The following ROBO1 variants were observed in gnomAD, a reference collection of about 807,000 sequenced individuals.
ROBO1 encodes the protein roundabout guidance receptor 1.
A neutral mutation model predicts 195.9 loss-of-function variants in ROBO1; 149 were observed. The ratio of observed to expected loss-of-function variants is 0.76; its 90% CI spans 0.67 to 0.87. ROBO1 has a LOEUF of 0.87. ROBO1 is among the 40% of genes least tolerant of loss of function. The pLI is 0.00. For missense variants in ROBO1, 1,933 were observed against 2,068.3 expected (o/e 0.93, Z 1.27); for synonymous variants, 816 against 733.2 (o/e 1.11, Z -1.82).
At chr3:79,736,970 T>G (rs1703418876) in intron 1 of ROBO1, among the ~76,000 whole-genome samples, 1 of 152,186 alleles carries the variant, frequency 6.6e-6, no homozygotes, top group Non-Finnish European at 1.5e-5. Context: ...TTGCTTCCAG[T>G]CTCTCAAACA....
chr3:78,803,866 T>A (rs981093538), intron 4 of ROBO1, among the ~76,000 whole-genome samples: 1 of 152,164 alleles, frequency 6.6e-6, no homozygotes, highest in Non-Finnish European at 1.5e-5. Flanking sequence ...GCACCATATC[T>A]TCAGAATGAT....
At position 79,717,409 on chromosome 3, in the gene ROBO1, T is replaced by C. The variant is rs116204955; in HGVS notation, c.-51+50343A>G. Reference sequence around the variant, plus strand: ...CCAGACAATTGCATTTTAGGTTGGCTATCTTTAAAAGTTTGTAGACCCTGA... The same window carrying C: ...CCAGACAATTGCATTTTAGGTTGGCCATCTTTAAAAGTTTGTAGACCCTGA... On this transcript the variant is annotated intron_variant, in intron 1 of 30. Transcript: ENST00000464233. Among the ~76,000 whole-genome samples, 355 of 152,088 alleles carry C rather than the reference T, an allele frequency of 2.3e-3. 1 individual carries two copies. Among genetic ancestry groups the C allele is most frequent in the African/African-American group, 8.4e-3 (347 of 41,544 alleles).
chr3:79,560,656 T>C (rs1215623796), intron 2 of ROBO1, among the ~76,000 whole-genome samples: 1 of 150,630 alleles, frequency 6.6e-6, no homozygotes, highest in African/African-American at 2.5e-5. Context: ...CCCCTCATCT[T>C]CACACCGTAG....
intron 2 of ROBO1, among the ~76,000 whole-genome samples, chr3:79,521,931 A>G (rs1434892649): frequency 6.6e-6 from 1 of 152,168 alleles, no homozygotes; most frequent in Non-Finnish European, 1.5e-5. Context: ...CCAACATTAC[A>G]TGGTTGGTTT....
intron 2 of ROBO1, among the ~76,000 whole-genome samples, chr3:79,488,196 G>C (rs1939262492): frequency 1.3e-5 from 2 of 152,120 alleles, no homozygotes; most frequent in Admixed American, 1.3e-4. Context: ...TGACCAAAAT[G>C]AATCTTTGAG....
At chr3:79,045,700 T>C (rs1252522786) in intron 3 of ROBO1, among the ~76,000 whole-genome samples, 1 of 152,122 alleles carries the variant, frequency 6.6e-6, no homozygotes, top group Non-Finnish European at 1.5e-5. Context: ...CCTACAAATA[T>C]ATCAACAAAC....
rs764485949 is a variant in ROBO1 at position 78,661,015 on chromosome 3, C to T, written c.2320+15G>A. 1.7e-5 allele frequency: 26 copies of T among 1,571,462 alleles called. No homozygotes were observed. In the South Asian group the frequency reaches 1.9e-4, roughly 12 times the overall value. ...TACTGCAATGCATGGAAATCAAACG[C>T]TTCATCATACTTGCCTTCTTCCAGG... On this transcript the variant is annotated intron_variant, in intron 16 of 30. Transcript: ENST00000464233.
At chr3:78,632,617 C>A (rs998397524) in intron 24 of ROBO1, among the ~76,000 whole-genome samples, 18 of 152,260 alleles carry the variant, frequency 1.2e-4, no homozygotes, top group Non-Finnish European at 2.5e-4. Context: ...TAATTACCAT[C>A]ACGCATCTTT....
At chr3:79,405,918 A>AG (rs2106815535) in intron 2 of ROBO1, among the ~76,000 whole-genome samples, 1 of 152,262 alleles carries the variant, frequency 6.6e-6, no homozygotes, top group African/African-American at 2.4e-5. Flanking sequence ...AGAGGAAAAA[A>AG]CTGTTTTGCA....
chr3:78,614,549 A>C, intron 28 of ROBO1, 99 bp downstream of exon 28: 1 of 1,287,438 alleles, frequency 7.8e-7, no homozygotes, highest in Non-Finnish European at 1.1e-6. Context: ...TAAATTTTTA[A>C]TGTAATTTCT....
At chr3:79,129,653 TACA>T (rs1246793171) in intron 2 of ROBO1, among the ~76,000 whole-genome samples, 3 of 152,174 alleles carry the variant, frequency 2.0e-5, no homozygotes, top group African/African-American at 7.2e-5. Flanking sequence ...TTAAATTAAG[TACA>T]ACATGATGTT....
At chr3:79,341,404 A>C (rs945641670) in intron 2 of ROBO1, among the ~76,000 whole-genome samples, 2 of 152,190 alleles carry the variant, frequency 1.3e-5, no homozygotes, top group Admixed American at 6.5e-5. Flanking sequence ...TTTTTATGTC[A>C]TTTTAATTTG....
chr3:79,236,869 G>A (rs2082415262), intron 2 of ROBO1, among the ~76,000 whole-genome samples: 1 of 152,138 alleles, frequency 6.6e-6, no homozygotes, highest in Non-Finnish European at 1.5e-5. Flanking sequence ...TAGTGGATAA[G>A]AGTTCAACTT....
intron 2 of ROBO1, among the ~76,000 whole-genome samples, chr3:79,490,783 C>T (rs1243643833): frequency 6.6e-6 from 1 of 152,166 alleles, no homozygotes; most frequent in African/African-American, 2.4e-5. Context: ...TGCATATTTG[C>T]ATTCCTAGCT....
At chr3:78,813,191 G>T (rs1576216607) in intron 4 of ROBO1, among the ~76,000 whole-genome samples, 1 of 151,978 alleles carries the variant, frequency 6.6e-6, no homozygotes, top group Non-Finnish European at 1.5e-5. Context: ...TAATAAGGAA[G>T]AAAATAATTT....
intron 2 of ROBO1, among the ~76,000 whole-genome samples, chr3:79,515,288 C>T (rs537849671): frequency 1.1e-4 from 17 of 152,292 alleles, no homozygotes; most frequent in East Asian, 3.9e-4. Context: ...TCTGAATGTT[C>T]GCCAATGCTC....
intron 2 of ROBO1, among the ~76,000 whole-genome samples, chr3:79,393,478 A>C (rs1575766165): frequency 6.6e-6 from 1 of 152,222 alleles, no homozygotes; most frequent in Admixed American, 6.5e-5. Context: ...TTTCACTAGC[A>C]GTGATCTTGG....
chr3:78,749,427 A>C (rs370341831), intron 4 of ROBO1, among the ~76,000 whole-genome samples: 38 of 152,304 alleles, frequency 2.5e-4, no homozygotes, highest in East Asian at 9.6e-4. Context: ...AAACTAACAA[A>C]ATGTAATCCA....
intron 2 of ROBO1, among the ~76,000 whole-genome samples, chr3:79,425,604 A>G (rs1275237563): frequency 6.6e-6 from 1 of 152,160 alleles, no homozygotes; most frequent in Non-Finnish European, 1.5e-5. Flanking sequence ...GTCAAATTGT[A>G]TGTAGATGAA....
Sources: allele counts gnomAD v4.1 joint callset (sites outside exome capture counted in the v4.1 genomes callset), GRCh38; gene constraint gnomAD v4.1.1; transcripts MANE v1.5; gene names NCBI Gene and HGNC (gene_info 2026-07-23, HGNC 2026-07-21).